The following COBLL1 variants were observed in gnomAD, a reference collection of about 807,000 sequenced individuals.
COBLL1 encodes cordon-bleu protein-like 1.
Under a neutral mutation model 94.8 loss-of-function variants are expected in COBLL1, and 50 were observed. The ratio of observed to expected loss-of-function variants is 0.53; its 90% CI spans 0.42 to 0.67. The LOEUF is 0.67. Among genes scored for constraint, COBLL1 ranks in the 30% least tolerant of loss-of-function variants. The pLI, the probability that COBLL1 is intolerant of heterozygous loss-of-function variation, is 0.00. For missense variants in COBLL1, 1,362 were observed against 1,348.7 expected (o/e 1.01, Z -0.15); for synonymous variants, 448 against 473.8 (o/e 0.95, Z 0.71).
chr2:164,817,765 C>T (rs1209581139), intron 2 of COBLL1, among the ~76,000 whole-genome samples: 2 of 152,070 alleles, frequency 1.3e-5, no homozygotes, highest in Non-Finnish European at 2.9e-5. Context: ...GAAGGGAAGC[C>T]ACCTGGTGGC....
chr2:164,712,863 T>C (rs3769876), intron 7 of COBLL1, among the ~76,000 whole-genome samples: 95,751 of 151,832 alleles, frequency 0.63, 31,589 homozygotes, highest in African/African-American at 0.84. Flanking sequence ...AAATCCCAAA[T>C]AAAAGTCGCC....
rs188967414 is a variant in COBLL1 at position 164,730,046 on chromosome 2, G to A, written c.300C>T (p.Ile100=). The A allele has an allele frequency of 1.1e-5, 18 of 1,613,920 alleles. No individual in the cohort carries two copies. The highest frequency in any genetic ancestry group is 1.1e-4 in the African/African-American group (8 of 75,034). The part of the protein sequence containing the change: ...QYHLNPSSYT[I]DLLSAEQNHI... The stretch of plus-strand genomic sequence containing the variant: ...GGTTCTGTTCAGCTGACAACAGATC[G>A]ATTGTGTAACTTGATGGATTTAAGT... Residue 100 remains isoleucine (I), a synonymous_variant, in exon 4 of 14, where the codon ATC becomes ATT. Coordinates refer to ENST00000652658, the MANE Select transcript of COBLL1 (RefSeq NM_001365672.2).
At chr2:164,796,948 CT>C (rs2105309590) in intron 2 of COBLL1, among the ~76,000 whole-genome samples, 1 of 152,154 alleles carries the variant, frequency 6.6e-6, no homozygotes, top group Admixed American at 6.5e-5. Flanking sequence ...GCACTTCAGC[CT>C]GGACAACAGA....
intron 2 of COBLL1, among the ~76,000 whole-genome samples, chr2:164,813,671 C>T (rs913172286): frequency 1.3e-5 from 2 of 152,166 alleles, no homozygotes; most frequent in African/African-American, 4.8e-5. Flanking sequence ...CCAATTTCAA[C>T]TCCAATGTTT....
intron 2 of COBLL1, among the ~76,000 whole-genome samples, chr2:164,745,250 T>C (rs1686805750): frequency 6.6e-6 from 1 of 152,184 alleles, no homozygotes. Context: ...TCCTACAATG[T>C]ACATTCATTT....
intron 2 of COBLL1, among the ~76,000 whole-genome samples, chr2:164,810,076 C>T (rs1037956025): frequency 6.6e-6 from 1 of 151,404 alleles, no homozygotes; most frequent in South Asian, 2.1e-4. Flanking sequence ...GGATTTAATA[C>T]AAAAAAATCA....
intron 2 of COBLL1, among the ~76,000 whole-genome samples, chr2:164,840,330 T>G (rs1173389012): frequency 6.6e-6 from 1 of 152,120 alleles, no homozygotes; most frequent in Non-Finnish European, 1.5e-5. Context: ...GTTTCCTACT[T>G]GAGAAACTCA....
At chr2:164,711,552 A>T (rs115601469) in intron 7 of COBLL1, among the ~76,000 whole-genome samples, 2,129 of 152,322 alleles carry the variant, frequency 0.014, 42 homozygotes, top group African/African-American at 0.048. Context: ...GGTCTCTTCA[A>T]CATACTTTAA....
At chr2:164,703,104 A>C in intron 9 of COBLL1, 1 of 1,596,840 alleles carries the variant, frequency 6.3e-7, no homozygotes, top group Non-Finnish European at 8.6e-7. Context: ...GACCACCTAC[A>C]TGTCAATGAT....
chr2:164,696,002 G>A (rs181484744), intron 11 of COBLL1, 166 bp from the exon 12 acceptor site: 156 of 588,408 alleles, frequency 2.7e-4, no homozygotes, highest in Non-Finnish European at 1.4e-4. Context: ...AAAACAGTAC[G>A]TGCTTTGGAT....
rs1430453843 is a variant in COBLL1 at position 164,681,894 on chromosome 2, T to C, written c.*4052A>G. On this transcript the variant is annotated 3_prime_UTR_variant, in exon 14 of 14. Transcript: ENST00000652658. ...AAGTTCTGAGCACATGGTGGCATTTTTTCCTTGTTGTAAACACAATGTATC... is the reference window on the plus strand; with the variant it reads ...AAGTTCTGAGCACATGGTGGCATTTCTTCCTTGTTGTAAACACAATGTATC... The C allele has an allele frequency of 6.6e-6, 1 of 152,242 alleles. No individual in the cohort carries two copies. Among genetic ancestry groups the C allele is most frequent in the African/African-American group, 2.4e-5 (1 of 41,476 alleles). The allele number at this position is 152,242 out of a possible 1,614,324, so 9.4% of individuals were successfully genotyped here. A position where few individuals can be genotyped will look rare whatever the true frequency, so the allele number is the denominator to read the frequency against.
chr2:164,702,007 T>C (rs1273421580), intron 9 of COBLL1, among the ~76,000 whole-genome samples: 2 of 152,086 alleles, frequency 1.3e-5, no homozygotes, highest in Non-Finnish European at 2.9e-5. Flanking sequence ...ACTTAAAATA[T>C]ATTTTTAAAA....
chr2:164,665,342 G>A (rs5018635), intron 2 of COBLL1, among the ~76,000 whole-genome samples: 109,612 of 134,906 alleles, frequency 0.81, 43,468 homozygotes, highest in Middle Eastern at 0.9. Context: ...AAAAAAAAAA[G>A]AAAGAAAGAA....
At chr2:164,736,848 TATGTGCATGC>T (rs1438406716) in intron 3 of COBLL1, among the ~76,000 whole-genome samples, 1 of 152,188 alleles carries the variant, frequency 6.6e-6, no homozygotes, top group African/African-American at 2.4e-5. Context: ...GGTGTACATA[TATGTGCATGC>T]CTAAGAATAA....
At chr2:164,710,650 C>G (rs747675995) in intron 7 of COBLL1, among the ~76,000 whole-genome samples, 1 of 151,208 alleles carries the variant, frequency 6.6e-6, no homozygotes, top group Non-Finnish European at 1.5e-5. Flanking sequence ...CTGCAACCTC[C>G]GCCTCCCGGG....
At chr2:164,793,294 C>G (rs1683282312) in intron 2 of COBLL1, among the ~76,000 whole-genome samples, 1 of 148,864 alleles carries the variant, frequency 6.7e-6, no homozygotes, top group Non-Finnish European at 1.5e-5. Context: ...AGGTTTCAAG[C>G]TTTTCTTAAA....
intron 2 of COBLL1, among the ~76,000 whole-genome samples, chr2:164,758,575 GC>G (rs1687525969): frequency 6.6e-6 from 1 of 151,956 alleles, no homozygotes; most frequent in African/African-American, 2.4e-5. Context: ...TGTGTTTGTT[GC>G]CTTGCAAGCA....
downstream of COBLL1, chr2:164,680,176 C>T (rs3731759): frequency 0.11 from 16,533 of 151,910 alleles, 1,070 homozygotes; most frequent in Non-Finnish European, 0.15. Context: ...AGAGTGCAAT[C>T]GGTCACTGTA....
chr2:164,683,316 T>A lies in COBLL1; in HGVS notation c.*2630A>T, dbSNP rs1193166880. ...AAGTTGGTTCTAGACCATTCCTGTA[T>A]CTTCCTTGTGCTGTTATTTTAGGAT... On this transcript the variant is annotated 3_prime_UTR_variant, in exon 14 of 14. Transcript: ENST00000652658. The A allele has an allele frequency of 6.6e-6, 1 of 152,062 alleles. No homozygotes were observed. Among genetic ancestry groups the A allele is most frequent in the Non-Finnish European group, 1.5e-5 (1 of 67,978 alleles). The allele number at this position is 152,062 out of a possible 1,614,324, so 9.4% of individuals were successfully genotyped here.
Sources: allele counts gnomAD v4.1 joint callset (sites outside exome capture counted in the v4.1 genomes callset), GRCh38; gene constraint gnomAD v4.1.1; transcripts MANE v1.5; gene names NCBI Gene and HGNC (gene_info 2026-07-23, HGNC 2026-07-21).